Variants in PCSK5 observed in about 807,000 individuals in gnomAD.
PCSK5 encodes the protein proprotein convertase subtilisin/kexin type 5, also known as prohormone convertase 5.
Under a neutral mutation model 233.2 loss-of-function variants are expected in PCSK5, and 129 were observed. The ratio of observed to expected loss-of-function variants is 0.55; its 90% CI spans 0.48 to 0.64. The LOEUF (loss-of-function observed/expected upper bound fraction) is 0.64, where lower values mean the gene tolerates loss of function less well. PCSK5 is among the 30% of genes least tolerant of loss of function. PCSK5 has a pLI of 0.00. For synonymous variants in PCSK5, 825 were observed against 879.2 expected, an observed-to-expected ratio of 0.94 and a Z score of 1.09; for missense variants, 2,076 against 2,430.1, an observed-to-expected ratio of 0.85 and a Z score of 3.06.
chr9:76,244,721 A>C (rs1419542838), intron 24 of PCSK5, among the ~76,000 whole-genome samples: 1 of 152,138 alleles, frequency 6.6e-6, no homozygotes, highest in Non-Finnish European at 1.5e-5. Context: ...TTCCAAGGAA[A>C]GATTACCAAA....
intron 3 of PCSK5, among the ~76,000 whole-genome samples, chr9:75,999,582 A>G (rs985233866): frequency 1.3e-5 from 2 of 152,260 alleles, no homozygotes; most frequent in African/African-American, 4.8e-5. Flanking sequence ...CAGATCACTC[A>G]TGCCATTGTT....
chr9:76,091,670 A>G (rs898224672), intron 7 of PCSK5, among the ~76,000 whole-genome samples: 2 of 152,044 alleles, frequency 1.3e-5, no homozygotes, highest in Non-Finnish European at 2.9e-5. Flanking sequence ...CTGGAATGTA[A>G]GACGAGGAGA....
chr9:75,941,622 C>T (rs1377352846), intron 2 of PCSK5, among the ~76,000 whole-genome samples: 1 of 152,140 alleles, frequency 6.6e-6, no homozygotes, highest in Non-Finnish European at 1.5e-5. Context: ...ATCATTATAG[C>T]AAATCCCTGT....
chr9:76,098,521 G>T (rs1281227395), intron 8 of PCSK5, among the ~76,000 whole-genome samples: 1 of 152,180 alleles, frequency 6.6e-6, no homozygotes, highest in East Asian at 1.9e-4. Context: ...ACATCCATCA[G>T]TCCTGCATCG....
chr9:75,972,398 T>G (rs986450395), intron 2 of PCSK5, among the ~76,000 whole-genome samples: 1 of 152,218 alleles, frequency 6.6e-6, no homozygotes, highest in Non-Finnish European at 1.5e-5. Context: ...TAAAGAAGTT[T>G]TTTCTAATTC....
intron 20 of PCSK5, among the ~76,000 whole-genome samples, chr9:76,214,043 G>A (rs1029511481): frequency 4.6e-5 from 7 of 152,202 alleles, no homozygotes. Flanking sequence ...GCAAGAGATG[G>A]CCCTGTCCTC....
chr9:76,133,960 G>T, intron 9 of PCSK5, 149 bp from the exon 10 acceptor site: 1 of 596,668 alleles, frequency 1.7e-6, no homozygotes. Flanking sequence ...AGCGGCATTT[G>T]GCATTTGGTT....
chr9:76,354,732 G>A (rs1180325865), intron 37 of PCSK5, among the ~76,000 whole-genome samples: 1 of 152,126 alleles, frequency 6.6e-6, no homozygotes, highest in East Asian at 1.9e-4. Flanking sequence ...AGCTGAGATC[G>A]CACCACTGCA....
intron 29 of PCSK5, among the ~76,000 whole-genome samples, chr9:76,310,334 C>G (rs1440495161): frequency 6.6e-6 from 1 of 151,796 alleles, no homozygotes; most frequent in Non-Finnish European, 1.5e-5. Flanking sequence ...TTCCATCAAG[C>G]TGTGCATGTA....
At chr9:76,262,929 A>G (rs1439376736) in intron 24 of PCSK5, among the ~76,000 whole-genome samples, 1 of 151,694 alleles carries the variant, frequency 6.6e-6, no homozygotes, top group Non-Finnish European at 1.5e-5. Flanking sequence ...ACAAATTTAC[A>G]AGAAAAAAAA....
chr9:76,302,541 C>T (rs999653437), intron 28 of PCSK5, among the ~76,000 whole-genome samples: 7 of 152,098 alleles, frequency 4.6e-5, no homozygotes, highest in Non-Finnish European at 1.5e-5. Context: ...TAAGGAAGCA[C>T]CTCTGCCTTC....
intron 7 of PCSK5, among the ~76,000 whole-genome samples, chr9:76,072,357 A>G (rs936917414): frequency 2.6e-5 from 4 of 152,176 alleles, no homozygotes; most frequent in Non-Finnish European, 4.4e-5. Flanking sequence ...CCTGATCGCT[A>G]CAACCAAGTA....
At chr9:76,181,074 G>T (rs886578121) in intron 15 of PCSK5, among the ~76,000 whole-genome samples, 3 of 152,324 alleles carry the variant, frequency 2.0e-5, no homozygotes, top group Non-Finnish European at 4.4e-5. Context: ...GAATAGAGTT[G>T]TGGTTCCCAC....
intron 33 of PCSK5, among the ~76,000 whole-genome samples, chr9:76,329,526 A>G (rs1469857093): frequency 6.6e-6 from 1 of 151,938 alleles, no homozygotes; most frequent in Non-Finnish European, 1.5e-5. Context: ...CTTTCACAAT[A>G]TCAATGCTTT....
Position 76,328,159 on chromosome 9 carries a change from C to A in PCSK5, c.4490C>A (p.Pro1497His), listed in dbSNP as rs763060367. 1 of 1,612,692 alleles carries A rather than the reference C, an allele frequency of 6.2e-7. No individual in the cohort carries two copies. The highest frequency in any genetic ancestry group is 8.5e-7 in the Non-Finnish European group (1 of 1,179,858). ...GATGAGGATGCTCCCGGGTGCAAGC[C>A]CTGCCATGTTAAGTGCTTCCACTGC... ...YWDEDAPGCK[P>H]CHVKCFHCMG... Residue 1497 changes from proline (P) to histidine (H), a missense_variant, in exon 33 of 38, where the codon CCC (proline) becomes CAC (histidine). Coordinates refer to ENST00000674117, the MANE Select transcript of PCSK5 (RefSeq NM_001372043.1).
At chr9:76,282,390 A>G (rs1317969541) in intron 24 of PCSK5, among the ~76,000 whole-genome samples, 2 of 119,478 alleles carry the variant, frequency 1.7e-5, no homozygotes, top group African/African-American at 3.3e-5. Context: ...TGCAATCTTG[A>G]CTCACTGCAG....
chr9:76,116,498 C>T (rs940174027), intron 9 of PCSK5, among the ~76,000 whole-genome samples: 1 of 152,080 alleles, frequency 6.6e-6, no homozygotes, highest in African/African-American at 2.4e-5. Flanking sequence ...GTACATCAGA[C>T]AGTGACATCC....
rs1403531069 is a variant in PCSK5 at position 76,265,357 on chromosome 9, A to C, written c.3142+24673A>C. ...AACCACAGTGTCACTCGATATACTC[A>C]GGTAACAAATCTGCACATATACCAC... On this transcript the variant is annotated intron_variant, in intron 24 of 37. Transcript: ENST00000674117. 2.6e-5 allele frequency among the ~76,000 whole-genome samples: 4 copies of C among 152,116 alleles called. No homozygotes were observed. The East Asian group carries it at 7.7e-4, about 29-fold the overall frequency.
At chr9:76,279,982 C>T (rs539658404) in intron 24 of PCSK5, among the ~76,000 whole-genome samples, 1 of 152,076 alleles carries the variant, frequency 6.6e-6, no homozygotes, top group Non-Finnish European at 1.5e-5. Flanking sequence ...ACATGAAGTC[C>T]TTGCCCATGC....
Sources: gnomAD v4.1 joint callset for allele counts (sites outside exome capture counted in the v4.1 genomes callset) on GRCh38, gnomAD v4.1.1 for gene constraint, MANE v1.5 for transcripts, NCBI Gene and HGNC (gene_info 2026-07-23, HGNC 2026-07-21) for gene names.